The following PIP4K2A variants were observed in gnomAD, a reference collection of about 807,000 sequenced individuals.
PIP4K2A encodes phosphatidylinositol 5-phosphate 4-kinase type-2 alpha.
PIP4K2A carries 14 observed loss-of-function variants against 42.9 expected under a neutral mutation model. The ratio of observed to expected loss-of-function variants is 0.33; its 90% confidence interval spans 0.22 to 0.51. The LOEUF is 0.51. PIP4K2A is among the 20% of genes least tolerant of loss of function. The pLI, the probability that PIP4K2A is intolerant of heterozygous loss-of-function variation, is 0.97. For synonymous variants in PIP4K2A, 192 were observed against 192.2 expected (o/e 1.00, Z 0.01); for missense variants, 434 against 519.8 (o/e 0.83, Z 1.61).
intron 1 of PIP4K2A, chr10:22,694,736 T>C (rs759694031): frequency 7.2e-5 from 11 of 152,234 alleles, no homozygotes; most frequent in Non-Finnish European, 1.5e-4. Flanking sequence ...AGAAAGTATT[T>C]TGAAAAGAGA....
chr10:22,613,423 G>C (rs530419167), intron 1 of PIP4K2A, among the ~76,000 whole-genome samples: 1 of 152,276 alleles, frequency 6.6e-6, no homozygotes, highest in East Asian at 1.9e-4. Flanking sequence ...GCAGGAAGGA[G>C]AGGCTCTGAG....
intron 4 of PIP4K2A, among the ~76,000 whole-genome samples, chr10:22,584,458 T>C (rs1486400864): frequency 1.3e-5 from 2 of 152,142 alleles, no homozygotes; most frequent in African/African-American, 2.4e-5. Context: ...GAAGCCAGGA[T>C]GAGCACGTTA....
chr10:22,688,420 G>A (rs1839801888), intron 1 of PIP4K2A, among the ~76,000 whole-genome samples: 1 of 152,114 alleles, frequency 6.6e-6, no homozygotes, highest in South Asian at 2.1e-4. Context: ...GACAGTATCT[G>A]GTGGGAAAAC....
intron 7 of PIP4K2A, among the ~76,000 whole-genome samples, chr10:22,549,810 C>A (rs1836353365): frequency 8.1e-6 from 1 of 122,940 alleles, no homozygotes; most frequent in African/African-American, 3.1e-5. Context: ...CACTGCACTC[C>A]AGCCTAGAAG....
intron 3 of PIP4K2A, among the ~76,000 whole-genome samples, chr10:22,605,578 G>A (rs1837888591): frequency 6.6e-6 from 1 of 152,128 alleles, no homozygotes; most frequent in African/African-American, 2.4e-5. Flanking sequence ...GGTTCATTTT[G>A]GATCTCATTT....
At chr10:22,590,584 C>A (rs1837488457) in intron 4 of PIP4K2A, among the ~76,000 whole-genome samples, 1 of 152,176 alleles carries the variant, frequency 6.6e-6, no homozygotes, top group Admixed American at 6.5e-5. Flanking sequence ...AAAATCCAGG[C>A]AGGGTGTGGA....
intron 1 of PIP4K2A, among the ~76,000 whole-genome samples, chr10:22,619,602 A>G (rs1838270195): frequency 6.6e-6 from 1 of 151,882 alleles, no homozygotes; most frequent in Non-Finnish European, 1.5e-5. Flanking sequence ...ACGTGTGGCT[A>G]GTTTTTGTAT....
intron 1 of PIP4K2A, among the ~76,000 whole-genome samples, chr10:22,670,828 C>T (rs1432335618): frequency 4.6e-5 from 7 of 152,034 alleles, no homozygotes; most frequent in Non-Finnish European, 1.0e-4. Context: ...TGGACAGTAA[C>T]GTAATTCTAG....
chr10:22,676,296 T>C (rs961647519), intron 1 of PIP4K2A, among the ~76,000 whole-genome samples: 1 of 152,158 alleles, frequency 6.6e-6, no homozygotes, highest in Non-Finnish European at 1.5e-5. Context: ...TGTATTCCCT[T>C]CGTATGGAAA....
At chr10:22,608,253 C>T (rs148062154) in intron 2 of PIP4K2A, among the ~76,000 whole-genome samples, 1 of 152,308 alleles carries the variant, frequency 6.6e-6, no homozygotes, top group Non-Finnish European at 1.5e-5. Flanking sequence ...GACTATGTGA[C>T]CTCTTTAAAT....
At chr10:22,551,562 T>C (rs1283752194) in intron 6 of PIP4K2A, among the ~76,000 whole-genome samples, 2 of 152,180 alleles carry the variant, frequency 1.3e-5, no homozygotes, top group African/African-American at 4.8e-5. Flanking sequence ...CAGGATAATA[T>C]AGGCATATAG....
intron 1 of PIP4K2A, among the ~76,000 whole-genome samples, chr10:22,693,072 T>C (rs1304701508): frequency 6.6e-6 from 1 of 152,196 alleles, no homozygotes; most frequent in African/African-American, 2.4e-5. Flanking sequence ...CCTGTTTTAA[T>C]CGATTGGGGT....
intron 5 of PIP4K2A, among the ~76,000 whole-genome samples, chr10:22,568,200 A>G (rs1177591793): frequency 1.3e-5 from 2 of 152,224 alleles, no homozygotes; most frequent in Non-Finnish European, 2.9e-5. Flanking sequence ...CTTGAGCAGT[A>G]ACTTACTCAA....
intron 1 of PIP4K2A, among the ~76,000 whole-genome samples, chr10:22,628,035 C>T (rs1778317): frequency 0.2 from 30,761 of 152,064 alleles, 4,076 homozygotes; most frequent in African/African-American, 0.37. Flanking sequence ...AACTCATTCC[C>T]TGGGTTATAA....
intron 1 of PIP4K2A, among the ~76,000 whole-genome samples, chr10:22,631,014 G>T (rs986829521): frequency 6.6e-6 from 1 of 152,088 alleles, no homozygotes; most frequent in South Asian, 2.1e-4. Flanking sequence ...AGCTTCTCGC[G>T]ATCAGGAGCC....
chr10:22,569,142 G>T, intron 5 of PIP4K2A: 1 of 973,464 alleles, frequency 1.0e-6, no homozygotes, highest in Non-Finnish European at 1.6e-6. Context: ...ATTCACAGAT[G>T]CGGAAACTTG....
Position 22,692,584 on chromosome 10 carries a change from T to C in PIP4K2A, c.144+21599A>G, listed in dbSNP as rs536915498. On this transcript the variant is annotated intron_variant, in intron 1 of 9. Transcript: ENST00000376573. ...TTCTTCTGTGAAAGGGGTAGGCACT[T>C]GGTGTCTCTTTTCCTAGACGTTGTC... Among the ~76,000 whole-genome samples the C allele has an allele frequency of 2.7e-3, 408 of 152,298 alleles. 1 individual carries two copies. Among genetic ancestry groups the C allele is most frequent in the Middle Eastern group, 3.4e-3 (1 of 294 alleles).
rs184098832 is a variant in PIP4K2A, at chr10:22,666,869, A to C, written c.144+47314T>G. On this transcript the variant is annotated intron_variant, in intron 1 of 9. Coordinates refer to ENST00000376573, the MANE Select transcript of PIP4K2A (RefSeq NM_005028.5). ...GATAGGAATAATATACCAATATAGCATCAGAACAACCAACATCCACATCTC... is the reference window on the plus strand; with the variant it reads ...GATAGGAATAATATACCAATATAGCCTCAGAACAACCAACATCCACATCTC... 1.2e-3 allele frequency among the ~76,000 whole-genome samples: 185 copies of C among 152,344 alleles called. 1 individual carries two copies. In the Middle Eastern group the frequency reaches 0.017, roughly 14 times the overall value.
At chr10:22,664,819 G>A (rs1006796981) in intron 1 of PIP4K2A, among the ~76,000 whole-genome samples, 4 of 151,982 alleles carry the variant, frequency 2.6e-5, no homozygotes, top group African/African-American at 9.7e-5. Flanking sequence ...CTCTGTTTGG[G>A]TGAATTAGCA....
Sources: allele counts gnomAD v4.1 joint callset (sites outside exome capture counted in the v4.1 genomes callset), GRCh38; gene constraint gnomAD v4.1.1; transcripts MANE v1.5; gene names NCBI Gene and HGNC (gene_info 2026-07-23, HGNC 2026-07-21).